SINHCAF: variants seen among roughly 807,000 people sequenced by gnomAD.
The protein encoded by SINHCAF is SIN3-HDAC complex-associated factor.
In SINHCAF, 3 loss-of-function variants were observed where a neutral mutation model predicts 25.8. The ratio of observed to expected loss-of-function variants is 0.12; its 90% CI spans 0.05 to 0.30. The LOEUF is 0.30. SINHCAF is among the 10% of genes least tolerant of loss of function. The pLI, the probability that SINHCAF is intolerant of heterozygous loss-of-function variation, is 1.00. For missense variants in SINHCAF, 121 were observed against 262.3 expected (o/e 0.46, Z 3.72); for synonymous variants, 70 against 85.5 (o/e 0.82, Z 1.00).
intron 2 of SINHCAF, among the ~76,000 whole-genome samples, 181 bp downstream of exon 2, chr12:31,297,896 G>A (rs1216554668): frequency 6.6e-6 from 1 of 152,064 alleles, no homozygotes; most frequent in Admixed American, 6.5e-5. Flanking sequence ...TCATAATCTG[G>A]AAAAAAGTAG....
At chr12:31,296,480 A>AT (rs544246660) in intron 2 of SINHCAF, among the ~76,000 whole-genome samples, 209 of 151,872 alleles carry the variant, frequency 1.4e-3, no homozygotes, top group African/African-American at 4.8e-3. Flanking sequence ...TAGATATTTC[A>AT]TAAGTATCAA....
At chr12:31,308,770 A>G (rs1451987046) in intron 1 of SINHCAF, among the ~76,000 whole-genome samples, 4 of 152,140 alleles carry the variant, frequency 2.6e-5, no homozygotes, top group Non-Finnish European at 4.4e-5. Flanking sequence ...AAAGGCAAAC[A>G]AATACTGACT....
intron 1 of SINHCAF, among the ~76,000 whole-genome samples, chr12:31,323,191 A>G (rs1472069971): frequency 2.6e-5 from 4 of 152,166 alleles, no homozygotes; most frequent in Non-Finnish European, 4.4e-5. Flanking sequence ...TTCGCCTAAA[A>G]AAGATCCCCC....
chr12:31,298,856 A>C (rs1216909264), intron 1 of SINHCAF, among the ~76,000 whole-genome samples: 1 of 152,202 alleles, frequency 6.6e-6, no homozygotes, highest in Non-Finnish European at 1.5e-5. Flanking sequence ...GAATTTAATA[A>C]TAATAATTCC....
intron 4 of SINHCAF, among the ~76,000 whole-genome samples, chr12:31,293,034 A>AT (rs1314100037): frequency 6.6e-6 from 1 of 152,244 alleles, no homozygotes; most frequent in East Asian, 1.9e-4. Flanking sequence ...AACTATGACT[A>AT]TAAGCAGACA....
intron 1 of SINHCAF, chr12:31,303,824 A>C (rs1344734131): frequency 6.6e-6 from 1 of 152,214 alleles, no homozygotes; most frequent in African/African-American, 2.4e-5. Flanking sequence ...AAAGGGGTTG[A>C]ACTGCAGACT....
chr12:31,295,978 C>G (rs1033563397), intron 2 of SINHCAF, among the ~76,000 whole-genome samples: 1 of 148,598 alleles, frequency 6.7e-6, no homozygotes, highest in Non-Finnish European at 1.5e-5. Flanking sequence ...TGCAGGAGTT[C>G]GAGACCAGCC....
At chr12:31,287,889 A>T in intron 4 of SINHCAF, 105 bp from the exon 5 acceptor site, 19 of 729,506 alleles carry the variant, frequency 2.6e-5, no homozygotes, top group Non-Finnish European at 3.8e-5. Flanking sequence ...AAAAAAGAAA[A>T]AGTAAAAAAT....
Position 31,324,602 on chromosome 12 carries a change from G to C in SINHCAF, c.-21+1422C>G. 3 of 258,726 alleles carry C rather than the reference G, an allele frequency of 1.2e-5. No homozygotes were observed. Among genetic ancestry groups the C allele is most frequent in the South Asian group, 1.1e-4 (3 of 27,480 alleles). 16.0% of individuals were successfully genotyped at this position (258,726 alleles called of 1,614,324 possible). ...GGGCCTCCGACCTGCACGGCCCTAC[G>C]CCCAGGCGGCGGCCCCGAGCGCCGG... On this transcript the variant is annotated intron_variant, in intron 1 of 5. Coordinates refer to ENST00000337682, the MANE Select transcript of SINHCAF (RefSeq NM_001135812.2). The surrounding 1 kb of genome is among the most constrained non-coding windows in gnomAD (Gnocchi z 5.5).
chr12:31,313,553 AGTT>A (rs1162440093), intron 1 of SINHCAF, among the ~76,000 whole-genome samples: 2 of 152,258 alleles, frequency 1.3e-5, no homozygotes, highest in African/African-American at 4.8e-5. Context: ...TTTCAGAATA[AGTT>A]GTTAATTTCC....
At chr12:31,315,532 A>G (rs2137129231) in intron 1 of SINHCAF, among the ~76,000 whole-genome samples, 1 of 152,344 alleles carries the variant, frequency 6.6e-6, no homozygotes, top group Middle Eastern at 3.4e-3. Context: ...ATGCTGTCTG[A>G]AGTTTCTTCA....
intron 1 of SINHCAF, 40 bp from the exon 2 acceptor site, chr12:31,298,264 T>C (rs756296566): frequency 1.2e-6 from 2 of 1,607,706 alleles, no homozygotes; most frequent in Non-Finnish European, 1.7e-6. Flanking sequence ...TGTTGAGGGC[T>C]GTAACAAGGA....
At chr12:31,316,020 G>C (rs1939482459) in intron 1 of SINHCAF, among the ~76,000 whole-genome samples, 1 of 151,962 alleles carries the variant, frequency 6.6e-6, no homozygotes, top group Non-Finnish European at 1.5e-5. Context: ...AAAAAAATTT[G>C]CCAGGCGTAG....
intron 5 of SINHCAF, among the ~76,000 whole-genome samples, chr12:31,285,014 A>G (rs914015286): frequency 1.3e-5 from 2 of 152,208 alleles, no homozygotes; most frequent in African/African-American, 2.4e-5. Flanking sequence ...CTGAATCTAC[A>G]AAGTGATCAT....
At position 31,325,029 on chromosome 12, in the gene SINHCAF, C is replaced by T. The variant is rs1267321646; in HGVS notation, c.-21+995G>A. ...ATTCGGACAAGGACCAGGGTCGCAG[C>T]CCGAAGCACGTGGTCTGTCACGTAG... On this transcript the variant is annotated intron_variant, in intron 1 of 5. Coordinates refer to ENST00000337682, the MANE Select transcript of SINHCAF (RefSeq NM_001135812.2). The surrounding 1 kb of genome is among the most constrained non-coding windows in gnomAD (Gnocchi z 5.9). The T allele has an allele frequency of 1.5e-5, 7 of 456,714 alleles. No homozygotes were observed. The highest frequency in any genetic ancestry group is 3.1e-5 in the Non-Finnish European group (7 of 227,012). The allele number at this position is 456,714 out of a possible 1,614,324, so 28.3% of individuals were successfully genotyped here.
intron 4 of SINHCAF, among the ~76,000 whole-genome samples, chr12:31,291,330 A>G (rs1474038505): frequency 6.6e-6 from 1 of 152,218 alleles, no homozygotes; most frequent in Admixed American, 6.5e-5. Flanking sequence ...GATTATCCCC[A>G]GTTCTCTGAT....
chr12:31,290,896 T>G (rs1938284747), intron 4 of SINHCAF, among the ~76,000 whole-genome samples: 1 of 152,124 alleles, frequency 6.6e-6, no homozygotes, highest in African/African-American at 2.4e-5. Context: ...ATATTGTATT[T>G]TTAGTAGACA....
At position 31,285,454 on chromosome 12, in the gene SINHCAF, CAT is replaced by C. The variant is rs57304714; in HGVS notation, c.506+2178_506+2179del. The stretch of plus-strand genomic sequence containing the variant: ...ACACACACACACACACACACACACA[CAT>C]AAATAAATGTTATTCGACAATATTG... On this transcript the variant is annotated intron_variant, in intron 5 of 5. Coordinates refer to ENST00000337682, the MANE Select transcript of SINHCAF (RefSeq NM_001135812.2). Among the ~76,000 whole-genome samples the C allele has an allele frequency of 4.0e-4, 60 of 151,150 alleles. 1 individual carries two copies. Among genetic ancestry groups the C allele is most frequent in the African/African-American group, 1.2e-3 (50 of 41,116 alleles).
intron 2 of SINHCAF, among the ~76,000 whole-genome samples, chr12:31,295,939 G>A (rs892248954): frequency 6.6e-5 from 10 of 151,638 alleles, no homozygotes; most frequent in African/African-American, 1.7e-4. Context: ...CCAGCACATC[G>A]GAAGACCAAG....
Sources: gnomAD v4.1 joint callset for allele counts (sites outside exome capture counted in the v4.1 genomes callset) on GRCh38, gnomAD v4.1.1 for gene constraint, Gnocchi (gnomAD v3.1) non-coding constraint, MANE v1.5 for transcripts, NCBI Gene and HGNC (gene_info 2026-07-23, HGNC 2026-07-21) for gene names.